The following TRIO variants were observed in gnomAD, a reference collection of about 807,000 sequenced individuals.
TRIO encodes trio Rho guanine nucleotide exchange factor.
Under a neutral mutation model 351.9 loss-of-function variants are expected in TRIO, and 58 were observed. That is an observed-to-expected ratio of 0.16 (90% CI 0.13 to 0.21). TRIO has a LOEUF of 0.21. Among genes scored for constraint, TRIO ranks in the 10% least tolerant of loss-of-function variants. The probability of loss-of-function intolerance (pLI) is 1.00; values close to 1 mark genes in which losing one functional copy is unlikely to be tolerated. For synonymous variants in TRIO, 1,758 were observed against 1,595.7 expected, an observed-to-expected ratio of 1.10 and a Z score of -2.42; for missense variants, 3,201 against 4,027.8, an observed-to-expected ratio of 0.79 and a Z score of 5.56.
chr5:14,301,492 C>T (rs1737879049), intron 7 of TRIO, among the ~76,000 whole-genome samples: 1 of 152,270 alleles, frequency 6.6e-6, no homozygotes, highest in African/African-American at 2.4e-5. Flanking sequence ...CACCTTCTGT[C>T]CTCATCTCCT....
At chr5:14,489,070 G>T in intron 48 of TRIO, 1 of 765,124 alleles carries the variant, frequency 1.3e-6, no homozygotes, top group Middle Eastern at 2.3e-4. Flanking sequence ...GAAGGCATGC[G>T]TGAGTGAATA....
In TRIO at chr5:14,359,353, G is replaced by A. The variant is rs769882892; in HGVS notation, c.2217-4G>A. ...AATTCCTGTTCCTCTGTGTGCTCTC[G>A]CAGGGACTCTGCCATCTCCAGTAAC... On this transcript the variant is annotated splice_region_variant and splice_polypyrimidine_tract_variant and intron_variant, in intron 12 of 56. Coordinates refer to ENST00000344204, the MANE Select transcript of TRIO (RefSeq NM_007118.4). 47 of 1,610,340 alleles carry A rather than the reference G, an allele frequency of 2.9e-5. No homozygotes were observed. The Admixed American group carries it at 4.0e-4, about 14-fold the overall frequency.
chr5:14,443,717 G>C (rs1752234474), intron 34 of TRIO, among the ~76,000 whole-genome samples: 1 of 152,248 alleles, frequency 6.6e-6, no homozygotes. Context: ...ACAGAAGCCT[G>C]TTTTATGTGC....
intron 1 of TRIO, among the ~76,000 whole-genome samples, chr5:14,153,748 C>T (rs909115780): frequency 1.3e-5 from 2 of 152,132 alleles, no homozygotes; most frequent in African/African-American, 2.4e-5. Context: ...TACAAAGCCC[C>T]CTCCATGCCC....
At chr5:14,273,152 A>G (rs1433743999) in intron 2 of TRIO, among the ~76,000 whole-genome samples, 2 of 152,192 alleles carry the variant, frequency 1.3e-5, no homozygotes, top group East Asian at 3.9e-4. Context: ...TTTAAAAAAT[A>G]TTAGGGAATA....
intron 37 of TRIO, among the ~76,000 whole-genome samples, chr5:14,468,399 T>TG (rs1225199371): frequency 6.6e-6 from 1 of 152,242 alleles, no homozygotes; most frequent in African/African-American, 2.4e-5. Context: ...CAGCTACACA[T>TG]GGGAGCTCTC....
chr5:14,505,545 G>A (rs1241674530), intron 55 of TRIO, among the ~76,000 whole-genome samples: 1 of 152,232 alleles, frequency 6.6e-6, no homozygotes, highest in Non-Finnish European at 1.5e-5. Flanking sequence ...TGTAGGGGCA[G>A]ACTCAAGCTC....
chr5:14,447,544 C>G (rs1294752181), intron 34 of TRIO, among the ~76,000 whole-genome samples: 2 of 152,158 alleles, frequency 1.3e-5, no homozygotes, highest in African/African-American at 4.8e-5. Flanking sequence ...ATTTTTAAAA[C>G]CGTTTTGCCT....
intron 9 of TRIO, among the ~76,000 whole-genome samples, chr5:14,320,872 T>A (rs1739815203): frequency 6.6e-6 from 1 of 152,214 alleles, no homozygotes; most frequent in Admixed American, 6.5e-5. Context: ...GGAGTATAAT[T>A]TGCTAAGGCA....
intron 1 of TRIO, among the ~76,000 whole-genome samples, chr5:14,187,591 A>G (rs755885013): frequency 2.0e-5 from 3 of 152,142 alleles, no homozygotes; most frequent in Non-Finnish European, 4.4e-5. Context: ...AGTAAGTTCT[A>G]TTTCTTCTGT....
At chr5:14,349,350 C>G (rs1316605348) in intron 11 of TRIO, among the ~76,000 whole-genome samples, 3 of 152,050 alleles carry the variant, frequency 2.0e-5, no homozygotes, top group Admixed American at 6.5e-5. Context: ...TGTGTTTTTC[C>G]TGCATATGTG....
intron 34 of TRIO, among the ~76,000 whole-genome samples, chr5:14,434,279 A>G (rs76006650): frequency 0.01 from 1,575 of 152,340 alleles, 14 homozygotes; most frequent in African/African-American, 0.036. Flanking sequence ...GTCCCACAAA[A>G]GTATGTGGAA....
At chr5:14,486,140 G>T (rs552571213) in intron 47 of TRIO, among the ~76,000 whole-genome samples, 45 of 152,310 alleles carry the variant, frequency 3.0e-4, no homozygotes, top group Admixed American at 1.0e-3. Flanking sequence ...TTCAACACTG[G>T]CTTTTAATTT....
At chr5:14,432,884 C>T (rs944024251) in intron 34 of TRIO, among the ~76,000 whole-genome samples, 3 of 152,140 alleles carry the variant, frequency 2.0e-5, no homozygotes, top group South Asian at 2.1e-4. Context: ...GTCAGCTCCC[C>T]GCCACCATCA....
chr5:14,322,043 C>T (rs778867559), intron 9 of TRIO, among the ~76,000 whole-genome samples: 14 of 152,084 alleles, frequency 9.2e-5, no homozygotes, highest in Non-Finnish European at 1.9e-4. Flanking sequence ...TGAGAACAGA[C>T]TAATACAACG....
At chr5:14,383,718 A>G (rs561258628) in intron 21 of TRIO, among the ~76,000 whole-genome samples, 2 of 152,128 alleles carry the variant, frequency 1.3e-5, no homozygotes, top group South Asian at 4.1e-4. Context: ...TTTCTTAGCA[A>G]TCTTTTTCTT....
chr5:14,145,588 C>T (rs899769747), intron 1 of TRIO, among the ~76,000 whole-genome samples: 2 of 151,984 alleles, frequency 1.3e-5, no homozygotes, highest in South Asian at 2.1e-4. Context: ...CCCTTCATGC[C>T]CTGAAGCTAA....
At chr5:14,387,682 C>T (rs760959028) in intron 22 of TRIO, 50 bp downstream of exon 22, 1 of 1,609,728 alleles carries the variant, frequency 6.2e-7, no homozygotes, top group South Asian at 1.1e-5. Context: ...TTCCTAACGC[C>T]CTCTCTGCTG....
chr5:14,188,385 GAGTT>G lies in TRIO; in HGVS notation c.157+44509_157+44512del, dbSNP rs532371643. Among the ~76,000 whole-genome samples the G allele has an allele frequency of 3.7e-3, 563 of 152,320 alleles. 1 individual carries two copies. Among genetic ancestry groups the G allele is most frequent in the Middle Eastern group, 0.017 (5 of 294 alleles). ...GATTGGTTAAGTAGCCCAAAGTACA[GAGTT>G]AGTTAAGGGATGGGGTGGTTTGAAC... On this transcript the variant is annotated intron_variant, in intron 1 of 56. Transcript: ENST00000344204.
Sources: gnomAD v4.1 joint callset for allele counts (sites outside exome capture counted in the v4.1 genomes callset) on GRCh38, gnomAD v4.1.1 for gene constraint, MANE v1.5 for transcripts, NCBI Gene and HGNC (gene_info 2026-07-23, HGNC 2026-07-21) for gene names.